The following PRC1 variants were observed in gnomAD, a reference collection of about 807,000 sequenced individuals.
The protein encoded by PRC1 is protein regulator of cytokinesis 1, also known as anaphase spindle elongation 1 homolog.
Under a neutral mutation model 91.2 loss-of-function variants are expected in PRC1, and 54 were observed. The observed-to-expected ratio is 0.59, with a 90% confidence interval of 0.48 to 0.74. The LOEUF (loss-of-function observed/expected upper bound fraction) is 0.74. Ranked by LOEUF, PRC1 falls within the 30% of genes least tolerant of loss-of-function variation. The probability of loss-of-function intolerance (pLI) is 0.00; values close to 1 mark genes in which losing one functional copy is unlikely to be tolerated. For missense variants in PRC1, 727 were observed against 746.2 expected, an observed-to-expected ratio of 0.97 and a Z score of 0.30; for synonymous variants, 275 against 263.6, an observed-to-expected ratio of 1.04 and a Z score of -0.42.
At chr15:90,983,903 TAC>T in intron 3 of PRC1, 113 bp downstream of exon 3, 1 of 1,364,512 alleles carries the variant, frequency 7.3e-7, no homozygotes, top group South Asian at 1.5e-5. Context: ...CCCCACTTCT[TAC>T]GTCTAGCTCC....
intron 12 of PRC1, among the ~76,000 whole-genome samples, chr15:90,970,027 C>T (rs1189921270): frequency 6.6e-6 from 1 of 152,126 alleles, no homozygotes; most frequent in Non-Finnish European, 1.5e-5. Context: ...ATACTTTCCA[C>T]ATCTCTACTG....
At position 90,994,483 on chromosome 15, in the gene PRC1, A is replaced by G. The variant is rs1401921123; in HGVS notation, c.-66T>C. ...ACTCCACACGGCCCCGAGAGCAACAACCACCCGCAAACACCGGCGATGTCA... is the reference window on the plus strand; with the variant it reads ...ACTCCACACGGCCCCGAGAGCAACAGCCACCCGCAAACACCGGCGATGTCA... On this transcript the variant is annotated 5_prime_UTR_variant, in exon 1 of 15. Transcript: ENST00000394249. 6 of 1,557,536 alleles carry G rather than the reference A, an allele frequency of 3.9e-6. No individual in the cohort carries two copies. The highest frequency in any genetic ancestry group is 1.2e-5 in the South Asian group (1 of 85,854).
rs374678092 is a variant in PRC1 at position 90,969,083 on chromosome 15, A to G, written c.1787T>C (p.Leu596Pro). ...PSLSDSSTVG[L>P]QRELSKASKS... is the part of the protein sequence containing the mutation. Reference sequence around the variant, plus strand: ...TGCAGGGATTGCCATACAGACCTGAAGCCCAACAGTGGAACTGTCAGAGAG... The same window carrying G: ...TGCAGGGATTGCCATACAGACCTGAGGCCCAACAGTGGAACTGTCAGAGAG... Residue 596 changes from leucine to proline, a missense_variant, in exon 14 of 15, where the codon CTT becomes CCT. Transcript: ENST00000394249. The G allele has an allele frequency of 5.6e-6, 9 of 1,614,062 alleles. No individual in the cohort carries two copies. The highest frequency in any genetic ancestry group is 7.6e-6 in the Non-Finnish European group (9 of 1,180,004).
chr15:90,983,015 G>C (rs1410070263), intron 3 of PRC1, among the ~76,000 whole-genome samples: 3 of 151,968 alleles, frequency 2.0e-5, no homozygotes, highest in Admixed American at 2.0e-4. Flanking sequence ...TTGTGAACTA[G>C]GAACATCAGG....
intron 14 of PRC1, 169 bp from the exon 15 acceptor site, chr15:90,967,371 A>C: frequency 1.6e-6 from 1 of 619,092 alleles, no homozygotes; most frequent in Non-Finnish European, 2.9e-6. Flanking sequence ...TCTGAGCACC[A>C]TTCTATTAGT....
At position 90,968,211 on chromosome 15, in the gene PRC1, G is replaced by A. The variant is rs934227322; in HGVS notation, c.1791+868C>T. On this transcript the variant is annotated intron_variant, in intron 14 of 14. Transcript: ENST00000394249. ...TTGAACAAGCGAAAAAGAGAAAGCTGGACCTCTGTCCAGCAATCAGCCAGA... is the reference window on the plus strand; with the variant it reads ...TTGAACAAGCGAAAAAGAGAAAGCTAGACCTCTGTCCAGCAATCAGCCAGA... 4.1e-6 allele frequency: 4 copies of A among 985,262 alleles called. No homozygotes were observed. The African/African-American group carries it at 7.0e-5, about 17-fold the overall frequency. 61.0% of individuals were successfully genotyped at this position (985,262 alleles called of 1,614,324 possible). A position where few individuals can be genotyped will look rare whatever the true frequency, so the allele number is the denominator to read the frequency against.
At chr15:90,980,152 G>C in intron 7 of PRC1, 90 bp downstream of exon 7, 1 of 1,434,014 alleles carries the variant, frequency 7.0e-7, no homozygotes, top group Admixed American at 2.7e-5. Flanking sequence ...TGGGAGGATT[G>C]TTTGAGCCTA....
chr15:90,968,965 TC>T, intron 14 of PRC1, 113 bp downstream of exon 14: 1 of 1,546,728 alleles, frequency 6.5e-7, no homozygotes. Context: ...AATTCCTGCT[TC>T]CTTTGTAACA....
rs890165986 is a variant in PRC1 at position 90,968,788 on chromosome 15, G to A, written c.1791+291C>T. ...GGGGCCTCTATTCTTTCCAGCTATT[G>A]CAGGCCTTTGATGTCACAATTGGGG... On this transcript the variant is annotated intron_variant, in intron 14 of 14. Transcript: ENST00000394249. The A allele has an allele frequency of 1.7e-5, 21 of 1,218,306 alleles. No homozygotes were observed. In the African/African-American group the frequency reaches 2.6e-4, roughly 15 times the overall value. 75.5% of individuals were successfully genotyped at this position (1,218,306 alleles called of 1,614,324 possible).
intron 8 of PRC1, among the ~76,000 whole-genome samples, chr15:90,978,626 G>T (rs1047281008): frequency 1.3e-5 from 2 of 151,946 alleles, no homozygotes; most frequent in African/African-American, 2.4e-5. Context: ...GGTGGTGCAT[G>T]CCTGTAATCC....
At chr15:90,973,269 C>T (rs2038327876) in intron 11 of PRC1, among the ~76,000 whole-genome samples, 1 of 152,230 alleles carries the variant, frequency 6.6e-6, no homozygotes, top group South Asian at 2.1e-4. Context: ...TGTATGGAAT[C>T]AAGGTTCAAG....
intron 12 of PRC1, 139 bp from the exon 13 acceptor site, chr15:90,969,762 ACATATATATATAT>A (rs1295474601): frequency 1.1e-4 from 19 of 174,690 alleles, no homozygotes; most frequent in Admixed American, 2.1e-4. Context: ...TAAAAAAAAA[ACATATATATATAT>A]ATATATATAT....
At chr15:90,980,461 C>A (rs185726107) in intron 6 of PRC1, 72 bp from the exon 7 acceptor site, 2 of 1,496,578 alleles carry the variant, frequency 1.3e-6, no homozygotes, top group Non-Finnish European at 1.8e-6. Context: ...AAGATCCCCC[C>A]CTTTTAAGTA....
At position 90,980,348 on chromosome 15, in the gene PRC1, T is replaced by C. The variant is rs1359168209; in HGVS notation, c.864A>G (p.Gln288=). Reference sequence around the variant, plus strand: ...TTGCCTCAATCACTTTCTTCATGTTTTGCATTTTCAGTTCTTCCAACCGAT... The same window carrying C: ...TTGCCTCAATCACTTTCTTCATGTTCTGCATTTTCAGTTCTTCCAACCGAT... The part of the protein sequence containing the change: ...EVDRLEELKM[Q]NMKKVIEAIR... Residue 288 remains glutamine (Q), a synonymous_variant, in exon 7 of 15, where the codon CAA becomes CAG. Coordinates refer to ENST00000394249, the MANE Select transcript of PRC1 (RefSeq NM_003981.4). 39 of 1,613,996 alleles carry C rather than the reference T, an allele frequency of 2.4e-5. No individual in the cohort carries two copies. Among genetic ancestry groups the C allele is most frequent in the Non-Finnish European group, 3.3e-5 (39 of 1,180,024 alleles).
Position 90,974,729 on chromosome 15 carries a change from C to T in PRC1, c.1206G>A (p.Leu402=), listed in dbSNP as rs770503883. 3.1e-6 allele frequency: 5 copies of T among 1,614,138 alleles called. No homozygotes were observed. Among genetic ancestry groups the T allele is most frequent in the Admixed American group, 3.3e-5 (2 of 60,022 alleles). Residue 402 remains leucine (L), a splice_region_variant and synonymous_variant, in exon 10 of 15, where the codon CTG becomes CTA. Coordinates refer to ENST00000394249, the MANE Select transcript of PRC1 (RefSeq NM_003981.4). This position sits in a 1 kb window ranked among gnomAD's most constrained non-coding sequence, Gnocchi z 4.6. ...RAKLQKMLPK[L]EEELKARIEL... is the part of the protein sequence containing the mutation. ...CAATTCGTGCCTTCAACTCTTCTTC[C>T]AGCTGAGACCAGAAACAAGGACATG...
At position 90,984,441 on chromosome 15, in the gene PRC1, C is replaced by G. The variant is rs1048378055; in HGVS notation, c.144+252G>C. ...ACGGAGGTTCACCATGTTGATCAGG[C>G]TGGTCTTGAACTCCTGACCTCAAGC... On this transcript the variant is annotated intron_variant, in intron 2 of 14. Transcript: ENST00000394249. This position sits in a 1 kb window ranked among gnomAD's most constrained non-coding sequence, Gnocchi z 5.1. Among the ~76,000 whole-genome samples, 4 of 152,164 alleles carry G rather than the reference C, an allele frequency of 2.6e-5. No homozygotes were observed. The highest frequency in any genetic ancestry group is 9.7e-5 in the African/African-American group (4 of 41,430).
Position 90,966,348 on chromosome 15 carries a change from GAC to G in PRC1, c.*781_*782del. The G allele has an allele frequency of 3.4e-6, 1 of 296,344 alleles. No individual in the cohort carries two copies. The highest frequency in any genetic ancestry group is 6.8e-6 in the Non-Finnish European group (1 of 146,180). 18.4% of individuals were successfully genotyped at this position (296,344 alleles called of 1,614,324 possible). ...CAAAGTTCCAGATCTCCACGACAAA[GAC>G]AGCTCAACCCATTGGAACAAACAGA... On this transcript the variant is annotated 3_prime_UTR_variant, in exon 15 of 15. Coordinates refer to ENST00000394249, the MANE Select transcript of PRC1 (RefSeq NM_003981.4).
Position 90,974,295 on chromosome 15 carries a change from G to T in PRC1, c.1351-49C>A. On this transcript the variant is annotated intron_variant, in intron 10 of 14. Transcript: ENST00000394249. This position sits in a 1 kb window ranked among gnomAD's most constrained non-coding sequence, Gnocchi z 4.6. ...GTGATAAATCTCAGGAAGAGAGCGGGTCTGGGATGGCAACAGCAGCAGGGC... is the reference window on the plus strand; with the variant it reads ...GTGATAAATCTCAGGAAGAGAGCGGTTCTGGGATGGCAACAGCAGCAGGGC... 1 of 1,500,658 alleles carries T rather than the reference G, an allele frequency of 6.7e-7. No homozygotes were observed. The highest frequency in any genetic ancestry group is 1.4e-5 in the African/African-American group (1 of 72,580). 93.0% of individuals were successfully genotyped at this position (1,500,658 alleles called of 1,614,324 possible). A position where few individuals can be genotyped will look rare whatever the true frequency, so the allele number is the denominator to read the frequency against.
intron 3 of PRC1, among the ~76,000 whole-genome samples, chr15:90,983,366 T>C (rs980012750): frequency 1.3e-5 from 2 of 152,196 alleles, no homozygotes; most frequent in East Asian, 1.9e-4. Flanking sequence ...CTGGCACTAT[T>C]TTTACTGGTT....
Sources: gnomAD v4.1 joint callset for allele counts (sites outside exome capture counted in the v4.1 genomes callset) on GRCh38, gnomAD v4.1.1 for gene constraint, Gnocchi (gnomAD v3.1) non-coding constraint, MANE v1.5 for transcripts, NCBI Gene and HGNC (gene_info 2026-07-23, HGNC 2026-07-21) for gene names.